Variants in KCNQ1 observed in about 807,000 individuals in gnomAD.
The protein encoded by KCNQ1 is potassium voltage-gated channel subfamily Q member 1.
Under a neutral mutation model 72.4 loss-of-function variants are expected in KCNQ1, and 49 were observed. The observed-to-expected ratio is 0.68, with a 90% CI of 0.54 to 0.86. The LOEUF (loss-of-function observed/expected upper bound fraction) is 0.86. KCNQ1 is among the 40% of genes least tolerant of loss of function. The pLI, the probability that KCNQ1 is intolerant of heterozygous loss-of-function variation, is 0.00. For missense variants in KCNQ1, 790 were observed against 945.1 expected (o/e 0.84, Z 2.15); for synonymous variants, 450 against 412.6 (o/e 1.09, Z -1.10).
chr11:2,551,765 T>A (rs1847986765), intron 2 of KCNQ1, among the ~76,000 whole-genome samples: 1 of 152,242 alleles, frequency 6.6e-6, no homozygotes, highest in Non-Finnish European at 1.5e-5. Flanking sequence ...CAGCACTTAG[T>A]ATTGTCTGCT....
chr11:2,742,064 G>A (rs1250061036), intron 11 of KCNQ1, among the ~76,000 whole-genome samples: 1 of 152,272 alleles, frequency 6.6e-6, no homozygotes. Flanking sequence ...GCTGGGTGCT[G>A]CGACATGGTT....
In KCNQ1 at chr11:2,775,984, CG is replaced by C; in HGVS notation, c.1618del (p.Asp540ThrfsTer53). 1 of 1,567,902 alleles carries C rather than the reference CG, an allele frequency of 6.4e-7. No homozygotes were observed. Among genetic ancestry groups the C allele is most frequent in the Non-Finnish European group, 8.6e-7 (1 of 1,156,488 alleles). On this transcript the variant is annotated frameshift_variant, in exon 13 of 16. Coordinates refer to ENST00000155840, the MANE Select transcript of KCNQ1 (RefSeq NM_000218.3). LOFTEE classifies it high-confidence loss of function. Reference protein sequence around the residue: ...FQQARKPYDVRDVIEQYSQGH... With the variant: ...FQQARKPYDVXDVIEQYSQGH... ...GCAAGCGCGGAAGCCTTACGATGTG[CG>C]GGACGTCATTGAGCAGTACTCGCAG... is the stretch of plus-strand genomic sequence containing the variant.
At chr11:2,758,260 A>G (rs1846335615) in intron 11 of KCNQ1, among the ~76,000 whole-genome samples, 1 of 152,218 alleles carries the variant, frequency 6.6e-6, no homozygotes, top group African/African-American at 2.4e-5. Flanking sequence ...ACGAAGAGAC[A>G]TTTCACCAAA....
In KCNQ1 at chr11:2,473,430, T is replaced by A. The variant is rs1047693916; in HGVS notation, c.386+27946T>A. 2.2e-4 allele frequency among the ~76,000 whole-genome samples: 33 copies of A among 152,016 alleles called. No individual in the cohort carries two copies. The highest frequency in any genetic ancestry group is 7.2e-4 in the African/African-American group (30 of 41,480). ...AGGCAGGAGAGCTGGTGTTTGGAGA[T>A]GTGAGGGGCTGGGCCCTCCCAGGTG... On this transcript the variant is annotated intron_variant, in intron 1 of 15. Coordinates refer to ENST00000155840, the MANE Select transcript of KCNQ1 (RefSeq NM_000218.3). The surrounding 1 kb of genome is among the most constrained non-coding windows in gnomAD (Gnocchi z 6.0).
chr11:2,833,141 G>T (rs1426942224), intron 15 of KCNQ1, among the ~76,000 whole-genome samples: 3 of 152,188 alleles, frequency 2.0e-5, no homozygotes, highest in African/African-American at 4.8e-5. Flanking sequence ...GAACATGCTG[G>T]GTAGGGGTGC....
chr11:2,848,372 C>T lies in KCNQ1; in HGVS notation c.*369C>T, dbSNP rs756874937. ...CTGAGTGCAGGCCCACCCTGCTTGG[C>T]CCAGGGGGCTTCCTGAGGGGAGACA... On this transcript the variant is annotated 3_prime_UTR_variant, in exon 16 of 16. Transcript: ENST00000155840. The T allele has an allele frequency of 2.3e-5, 12 of 518,288 alleles. No homozygotes were observed. Among genetic ancestry groups the T allele is most frequent in the African/African-American group, 1.7e-4 (9 of 52,368 alleles). 32.1% of individuals were successfully genotyped at this position (518,288 alleles called of 1,614,324 possible).
intron 10 of KCNQ1, chr11:2,615,211 T>C (rs1300194332): frequency 7.5e-6 from 3 of 398,086 alleles, no homozygotes; most frequent in African/African-American, 6.2e-5. Context: ...ATTCCTGGTA[T>C]ATAGAGGCAC....
intron 10 of KCNQ1, chr11:2,634,173 C>T: frequency 2.5e-6 from 1 of 392,554 alleles, no homozygotes; most frequent in Admixed American, 4.5e-5. Context: ...TCTCTCTCTC[C>T]CTTTTTTTTA....
intron 14 of KCNQ1, 105 bp from the exon 15 acceptor site, chr11:2,777,871 T>C (rs1410374482): frequency 4.3e-6 from 4 of 934,806 alleles, no homozygotes; most frequent in East Asian, 4.8e-5. Flanking sequence ...GCATTTTGAC[T>C]CTCAGCTACC....
Position 2,785,101 on chromosome 11 carries a change from C to T in KCNQ1, c.1794+7064C>T, listed in dbSNP as rs1369970828. 1.3e-5 allele frequency among the ~76,000 whole-genome samples: 2 copies of T among 152,004 alleles called. No individual in the cohort carries two copies. The highest frequency in any genetic ancestry group is 2.9e-5 in the Non-Finnish European group (2 of 67,852). On this transcript the variant is annotated intron_variant, in intron 15 of 15. Coordinates refer to ENST00000155840, the MANE Select transcript of KCNQ1 (RefSeq NM_000218.3). The surrounding 1 kb of genome is among the most constrained non-coding windows in gnomAD (Gnocchi z 4.4). ...AGCAGATCTTCTGGGGAAAATCATTCAATCAATTTCCATTAGCTCTGAGTT... is the reference window on the plus strand; with the variant it reads ...AGCAGATCTTCTGGGGAAAATCATTTAATCAATTTCCATTAGCTCTGAGTT...
In KCNQ1 at chr11:2,772,633, G is replaced by T. The variant is rs1185401626; in HGVS notation, c.1591-3327G>T. On this transcript the variant is annotated intron_variant, in intron 12 of 15. Transcript: ENST00000155840. This position sits in a 1 kb window ranked among gnomAD's most constrained non-coding sequence, Gnocchi z 6.6. ...CTTCTTGGGCTATGCCCTACACCAG[G>T]TAAGGCTGTGGCTGAAGGTGCAGGG... 6.6e-6 allele frequency among the ~76,000 whole-genome samples: 1 copy of T among 152,320 alleles called. No individual in the cohort carries two copies. Among genetic ancestry groups the T allele is most frequent in the Non-Finnish European group, 1.5e-5 (1 of 68,026 alleles).
intron 15 of KCNQ1, among the ~76,000 whole-genome samples, chr11:2,844,130 C>A (rs973266940): frequency 6.6e-6 from 1 of 152,198 alleles, no homozygotes; most frequent in Non-Finnish European, 1.5e-5. Flanking sequence ...AACGTGCCAG[C>A]GAGATGAAGG....
At chr11:2,622,469 A>G in intron 10 of KCNQ1, 1 of 398,418 alleles carries the variant, frequency 2.5e-6, no homozygotes, top group Non-Finnish European at 4.4e-6. Context: ...TATATACAGC[A>G]TAGGTTGATG....
chr11:2,586,091 G>T (rs565039487), intron 8 of KCNQ1, among the ~76,000 whole-genome samples: 1 of 152,224 alleles, frequency 6.6e-6, no homozygotes, highest in African/African-American at 2.4e-5. Flanking sequence ...GAGGGTGGGC[G>T]TTGCCGGGTT....
At chr11:2,619,982 G>C (rs1223350071) in intron 10 of KCNQ1, 2 of 397,958 alleles carry the variant, frequency 5.0e-6, no homozygotes, top group South Asian at 1.3e-4. Context: ...AGTGAGCATA[G>C]TACCCAATAG....
rs900507791 is a variant in KCNQ1, at chr11:2,711,042, T to C, written c.1514+48961T>C. Among the ~76,000 whole-genome samples, 2 of 152,250 alleles carry C rather than the reference T, an allele frequency of 1.3e-5. No individual in the cohort carries two copies. The highest frequency in any genetic ancestry group is 2.4e-5 in the African/African-American group (1 of 41,472). ...ATCTGGGATACCAATAGGGATTGCA[T>C]TGAATCTGTAGGTCAACTTGGGGAG... On this transcript the variant is annotated intron_variant, in intron 11 of 15. Transcript: ENST00000155840. The surrounding 1 kb of genome is among the most constrained non-coding windows in gnomAD (Gnocchi z 5.4).
chr11:2,770,016 G>A (rs1846565475), intron 12 of KCNQ1, among the ~76,000 whole-genome samples: 1 of 152,152 alleles, frequency 6.6e-6, no homozygotes, highest in South Asian at 2.1e-4. Flanking sequence ...GAGGTCGTTG[G>A]GTCGGGCTGG....
At chr11:2,606,467 G>A (rs1848881927) in intron 10 of KCNQ1, among the ~76,000 whole-genome samples, 1 of 152,162 alleles carries the variant, frequency 6.6e-6, no homozygotes. Flanking sequence ...TATGCTAAGA[G>A]CTGGTTGTTT....
At chr11:2,454,225 G>C (rs953640175) in intron 1 of KCNQ1, among the ~76,000 whole-genome samples, 2 of 152,152 alleles carry the variant, frequency 1.3e-5, no homozygotes, top group African/African-American at 2.4e-5. Flanking sequence ...AGGGTGGCGG[G>C]GGGGGAGGTG....
Sources: gnomAD v4.1 joint callset for allele counts (sites outside exome capture counted in the v4.1 genomes callset) on GRCh38, gnomAD v4.1.1 for gene constraint, Gnocchi (gnomAD v3.1) non-coding constraint, MANE v1.5 for transcripts, NCBI Gene and HGNC (gene_info 2026-07-23, HGNC 2026-07-21) for gene names.